The following TMTC2 variants were observed in gnomAD, a reference collection of about 807,000 sequenced individuals.
TMTC2 encodes the protein protein O-mannosyl-transferase TMTC2.
TMTC2 carries 43 observed loss-of-function variants against 82.4 expected under a neutral mutation model. That is an observed-to-expected ratio of 0.52 (90% confidence interval 0.41 to 0.67). The LOEUF (loss-of-function observed/expected upper bound fraction) is 0.67, where lower values mean the gene tolerates loss of function less well. Ranked by LOEUF, TMTC2 falls within the 30% of genes least tolerant of loss-of-function variation. The pLI, the probability that TMTC2 is intolerant of heterozygous loss-of-function variation, is 0.00. For missense variants in TMTC2, 919 were observed against 1,012.4 expected (o/e 0.91, Z 1.25); for synonymous variants, 408 against 381.9 (o/e 1.07, Z -0.80).
intron 4 of TMTC2, among the ~76,000 whole-genome samples, chr12:82,938,577 G>A (rs960101115): frequency 3.9e-5 from 6 of 152,110 alleles, no homozygotes; most frequent in African/African-American, 1.4e-4. Context: ...GAGCAAATGA[G>A]ACTGAGAGAT....
chr12:82,939,375 C>T (rs76339984), intron 4 of TMTC2, among the ~76,000 whole-genome samples: 2,917 of 150,352 alleles, frequency 0.019, 92 homozygotes, highest in East Asian at 0.16. Flanking sequence ...AGAAAAAAAT[C>T]CCTAAGTTCT....
At chr12:82,897,281 G>A (rs776419687) in intron 3 of TMTC2, among the ~76,000 whole-genome samples, 1 of 152,148 alleles carries the variant, frequency 6.6e-6, no homozygotes, top group African/African-American at 2.4e-5. Flanking sequence ...CATAATGAGA[G>A]TTTTGATTAT....
intron 11 of TMTC2, among the ~76,000 whole-genome samples, chr12:83,066,146 C>T (rs1487989716): frequency 6.6e-6 from 1 of 151,854 alleles, no homozygotes; most frequent in African/African-American, 2.4e-5. Context: ...AATCCTCAAA[C>T]ATCAGGGCAG....
chr12:83,099,634 T>C (rs1884146435), intron 11 of TMTC2, among the ~76,000 whole-genome samples: 1 of 152,150 alleles, frequency 6.6e-6, no homozygotes, highest in Non-Finnish European at 1.5e-5. Flanking sequence ...AGATGCCTCC[T>C]GAGAAGAAGC....
intron 11 of TMTC2, among the ~76,000 whole-genome samples, chr12:83,129,554 TGAG>T (rs550266679): frequency 6.6e-6 from 1 of 152,302 alleles, no homozygotes; most frequent in African/African-American, 2.4e-5. Flanking sequence ...GTAATAATAG[TGAG>T]GTCTATTTAT....
intron 1 of TMTC2, among the ~76,000 whole-genome samples, chr12:82,699,299 C>G (rs60793714): frequency 6.6e-6 from 1 of 152,198 alleles, no homozygotes; most frequent in Non-Finnish European, 1.5e-5. Context: ...TGTTTCTTTT[C>G]TGTTGCTTTT....
intron 2 of TMTC2, among the ~76,000 whole-genome samples, chr12:82,879,479 C>A (rs1348667398): frequency 6.6e-6 from 1 of 152,204 alleles, no homozygotes; most frequent in Non-Finnish European, 1.5e-5. Flanking sequence ...CCTTATCTGA[C>A]AGGAGGCAGA....
chr12:83,019,917 T>C (rs1049735905), intron 8 of TMTC2, among the ~76,000 whole-genome samples: 12 of 152,172 alleles, frequency 7.9e-5, no homozygotes, highest in Admixed American at 3.3e-4. Context: ...ATTTTCACTT[T>C]TTTGTATGGT....
chr12:82,846,782 G>A (rs745374717), intron 1 of TMTC2, among the ~76,000 whole-genome samples: 1 of 152,022 alleles, frequency 6.6e-6, no homozygotes, highest in Non-Finnish European at 1.5e-5. Context: ...TTCAACATAT[G>A]TGTGGTAACA....
intron 1 of TMTC2, among the ~76,000 whole-genome samples, chr12:82,817,799 C>T (rs746184024): frequency 3.3e-5 from 5 of 152,208 alleles, no homozygotes; most frequent in Middle Eastern, 3.4e-3. Flanking sequence ...TCTTTTTAAA[C>T]GTTGGATCAG....
intron 8 of TMTC2, among the ~76,000 whole-genome samples, chr12:82,997,225 A>C (rs577410283): frequency 0.011 from 1,247 of 116,370 alleles, 22 homozygotes; most frequent in South Asian, 0.049. Flanking sequence ...CTCTCTCTAT[A>C]TATATATATA....
Position 82,937,734 on chromosome 12 carries a change from GTGTGT to G in TMTC2, c.1598+7190_1598+7194del, listed in dbSNP as rs1202993773. 6.5e-3 allele frequency among the ~76,000 whole-genome samples: 158 copies of G among 24,164 alleles called. 3 individuals carry two copies. The highest frequency in any genetic ancestry group is 0.02 in the African/African-American group (151 of 7,694). 15.9% of individuals were successfully genotyped at this position (24,164 alleles called of 152,430 possible). A position where few individuals can be genotyped will look rare whatever the true frequency, so the allele number is the denominator to read the frequency against. ...TGTGTGTGTGTGTGTGTGTGGATGT[GTGTGT>G]GTGTGTGTGTGTATATATATATATA... On this transcript the variant is annotated intron_variant, in intron 4 of 11. Transcript: ENST00000321196.
At chr12:83,026,953 A>G (rs1881209607) in intron 8 of TMTC2, among the ~76,000 whole-genome samples, 1 of 152,016 alleles carries the variant, frequency 6.6e-6, no homozygotes, top group Non-Finnish European at 1.5e-5. Flanking sequence ...ATTTTACTGA[A>G]TATTTCTCTT....
intron 1 of TMTC2, among the ~76,000 whole-genome samples, chr12:82,753,250 C>A (rs766736710): frequency 6.6e-6 from 1 of 151,230 alleles, no homozygotes; most frequent in East Asian, 1.9e-4. Flanking sequence ...ATTTTATAGA[C>A]GTATATAAGG....
At chr12:82,689,913 T>C (rs567031849) in intron 1 of TMTC2, among the ~76,000 whole-genome samples, 1 of 152,376 alleles carries the variant, frequency 6.6e-6, no homozygotes, top group Admixed American at 6.5e-5. Context: ...TATACTTTGC[T>C]ACAATTTGAA....
chr12:82,892,103 G>A (rs77055280), intron 2 of TMTC2, among the ~76,000 whole-genome samples: 1,597 of 152,134 alleles, frequency 0.01, 11 homozygotes, highest in Middle Eastern at 0.034. Flanking sequence ...CATTTATTTC[G>A]TCCTTACAGA....
At chr12:82,920,881 C>A (rs939206504) in intron 3 of TMTC2, among the ~76,000 whole-genome samples, 1 of 152,090 alleles carries the variant, frequency 6.6e-6, no homozygotes, top group African/African-American at 2.4e-5. Flanking sequence ...AAGTTCCCAG[C>A]CGGCATCTTT....
Position 82,926,084 on chromosome 12 carries a change from C to T in TMTC2, c.1484-4347C>T, listed in dbSNP as rs187318827. ...GCAACCACTGCCTCCCGGGTTCAAG[C>T]GATTCCCCTGCCTCGCCTCCCAAGT... On this transcript the variant is annotated intron_variant, in intron 3 of 11. Coordinates refer to ENST00000321196, the MANE Select transcript of TMTC2 (RefSeq NM_152588.3). Among the ~76,000 whole-genome samples, 25 of 151,556 alleles carry T rather than the reference C, an allele frequency of 1.6e-4. No individual in the cohort carries two copies. In the Middle Eastern group the frequency reaches 0.01, roughly 62 times the overall value.
intron 1 of TMTC2, among the ~76,000 whole-genome samples, chr12:82,739,965 G>GT (rs1243770355): frequency 6.6e-6 from 1 of 151,902 alleles, no homozygotes; most frequent in Non-Finnish European, 1.5e-5. Flanking sequence ...AACATGTATG[G>GT]TAAATTGCTT....
Sources: gnomAD v4.1 joint callset for allele counts (sites outside exome capture counted in the v4.1 genomes callset) on GRCh38, gnomAD v4.1.1 for gene constraint, MANE v1.5 for transcripts, NCBI Gene and HGNC (gene_info 2026-07-23, HGNC 2026-07-21) for gene names.